The following TRAF3IP1 variants were observed in gnomAD, a reference collection of about 807,000 sequenced individuals.
TRAF3IP1 encodes TRAF3-interacting protein 1.
TRAF3IP1 carries 53 observed loss-of-function variants against 89.9 expected under a neutral mutation model. The observed-to-expected ratio is 0.59, with a 90% CI of 0.47 to 0.74. The LOEUF (loss-of-function observed/expected upper bound fraction) is 0.74. TRAF3IP1 is among the 30% of genes least tolerant of loss of function. The pLI is 0.00. For synonymous variants in TRAF3IP1, 311 were observed against 322.1 expected, an observed-to-expected ratio of 0.97 and a Z score of 0.37; for missense variants, 806 against 866.1, an observed-to-expected ratio of 0.93 and a Z score of 0.87.
intron 15 of TRAF3IP1, among the ~76,000 whole-genome samples, chr2:238,394,477 G>A (rs1259915006): frequency 6.6e-6 from 1 of 151,950 alleles, no homozygotes; most frequent in Non-Finnish European, 1.5e-5. Flanking sequence ...GCATTGTTTC[G>A]TTTTCCATTT....
Position 238,320,731 on chromosome 2 carries a change from C to T in TRAF3IP1, c.69C>T (p.Thr23=). 1 of 1,447,862 alleles carries T rather than the reference C, an allele frequency of 6.9e-7. No homozygotes were observed. The highest frequency in any genetic ancestry group is 9.2e-7 in the Non-Finnish European group (1 of 1,089,146). The allele number at this position is 1,447,862 out of a possible 1,614,324, so 89.7% of individuals were successfully genotyped here. The part of the protein sequence containing the change: ...LGKVIRRPPL[T]EKLLSKPPFR... Reference sequence around the variant, plus strand: ...AAGTGATTCGGAGGCCGCCGCTGACCGAGAAGCTGCTGAGCAAGCCCCCGT... The same window carrying T: ...AAGTGATTCGGAGGCCGCCGCTGACTGAGAAGCTGCTGAGCAAGCCCCCGT... The change falls in exon 1 of 17, where the codon ACC becomes ACT. Residue 23 remains threonine (T), a synonymous_variant. Transcript: ENST00000373327.
At chr2:238,326,473 C>T (rs760605304) in intron 3 of TRAF3IP1, among the ~76,000 whole-genome samples, 2 of 152,144 alleles carry the variant, frequency 1.3e-5, no homozygotes, top group Non-Finnish European at 2.9e-5. Context: ...TTTTCTCTCT[C>T]TCTCGGTTGC....
intron 1 of TRAF3IP1, among the ~76,000 whole-genome samples, chr2:238,322,883 G>A (rs1559351238): frequency 6.6e-6 from 1 of 151,956 alleles, no homozygotes; most frequent in Non-Finnish European, 1.5e-5. Flanking sequence ...AAAGTTGTTA[G>A]AATGACTGAC....
intron 6 of TRAF3IP1, 70 bp downstream of exon 6, chr2:238,332,965 C>A: frequency 8.5e-7 from 1 of 1,174,076 alleles, no homozygotes; most frequent in Admixed American, 1.8e-5. Flanking sequence ...ATGCTGTGCG[C>A]TCCCCGGGTC....
chr2:238,321,211 C>T (rs1697523796), intron 1 of TRAF3IP1, among the ~76,000 whole-genome samples: 1 of 152,210 alleles, frequency 6.6e-6, no homozygotes, highest in South Asian at 2.1e-4. Flanking sequence ...CCCTGCCTGC[C>T]CTTGTATTTC....
chr2:238,337,082 G>T (rs1698421495), intron 7 of TRAF3IP1, among the ~76,000 whole-genome samples: 1 of 152,134 alleles, frequency 6.6e-6, no homozygotes, highest in Non-Finnish European at 1.5e-5. Context: ...GCTGCCCCTG[G>T]CCAGGTGAGG....
intron 14 of TRAF3IP1, among the ~76,000 whole-genome samples, chr2:238,353,728 G>A (rs949910222): frequency 3.3e-5 from 5 of 152,046 alleles, no homozygotes; most frequent in Non-Finnish European, 7.4e-5. Context: ...AGTAACGAGG[G>A]CTTGTTGGTT....
chr2:238,399,895 G>A lies in TRAF3IP1; in HGVS notation c.*976G>A, dbSNP rs1701394913. 6.6e-6 allele frequency: 1 copy of A among 152,102 alleles called. No individual in the cohort carries two copies. The highest frequency in any genetic ancestry group is 6.6e-5 in the Admixed American group (1 of 15,250). 9.4% of individuals were successfully genotyped at this position (152,102 alleles called of 1,614,324 possible). Reference sequence around the variant, plus strand: ...AAAGCAAAAGTTTTTTAAAAACATGGTTTATAGTTTTTCACTTACATATAC... The same window carrying A: ...AAAGCAAAAGTTTTTTAAAAACATGATTTATAGTTTTTCACTTACATATAC... On this transcript the variant is annotated 3_prime_UTR_variant, in exon 17 of 17. Coordinates refer to ENST00000373327, the MANE Select transcript of TRAF3IP1 (RefSeq NM_015650.4).
chr2:238,380,905 G>A (rs561550376), intron 15 of TRAF3IP1, among the ~76,000 whole-genome samples: 5 of 152,216 alleles, frequency 3.3e-5, no homozygotes, highest in Admixed American at 2.6e-4. Context: ...AAACAAAGAT[G>A]GAGAGCAAGG....
At chr2:238,356,266 G>A (rs1416732468) in intron 15 of TRAF3IP1, among the ~76,000 whole-genome samples, 186 bp downstream of exon 15, 5 of 152,204 alleles carry the variant, frequency 3.3e-5, no homozygotes, top group South Asian at 2.1e-4. Context: ...GGAGGCCAGC[G>A]CAGACAGCTT....
At chr2:238,395,049 G>A (rs1559399243) in intron 15 of TRAF3IP1, among the ~76,000 whole-genome samples, 1 of 152,160 alleles carries the variant, frequency 6.6e-6, no homozygotes, top group Non-Finnish European at 1.5e-5. Flanking sequence ...GTGGGTGGGG[G>A]GGTGTCCAGG....
Position 238,356,052 on chromosome 2 carries a change from T to C in TRAF3IP1, c.1661T>C (p.Leu554Ser), listed in dbSNP as rs764473546. 8 of 1,613,764 alleles carry C rather than the reference T, an allele frequency of 5.0e-6. No individual in the cohort carries two copies. Among genetic ancestry groups the C allele is most frequent in the Non-Finnish European group, 6.8e-6 (8 of 1,179,778 alleles). ...GAGACGAAGAAAGATTATGAGAAAT[T>C]GCAGCAGTCACCCAAACCTGGGGAG... ...ILETKKDYEKLQQSPKPGEKE... is the reference protein window; with the variant it reads ...ILETKKDYEKSQQSPKPGEKE... The change falls in exon 15 of 17, where the codon TTG becomes TCG. Residue 554 changes from leucine (L) to serine (S), a missense_variant. Coordinates refer to ENST00000373327, the MANE Select transcript of TRAF3IP1 (RefSeq NM_015650.4).
intron 7 of TRAF3IP1, among the ~76,000 whole-genome samples, chr2:238,337,933 A>C (rs910483308): frequency 3.3e-5 from 5 of 152,180 alleles, no homozygotes; most frequent in African/African-American, 9.7e-5. Flanking sequence ...AAAGGGAAAA[A>C]CAAAAAATGG....
intron 15 of TRAF3IP1, among the ~76,000 whole-genome samples, chr2:238,380,725 A>G (rs1559389610): frequency 6.6e-6 from 1 of 152,194 alleles, no homozygotes; most frequent in Non-Finnish European, 1.5e-5. Context: ...TTTAAAGGAA[A>G]TGCCTGCATC....
At chr2:238,366,634 C>G (rs1432674476) in intron 15 of TRAF3IP1, among the ~76,000 whole-genome samples, 1 of 151,740 alleles carries the variant, frequency 6.6e-6, no homozygotes, top group Non-Finnish European at 1.5e-5. Flanking sequence ...ATATTATGTC[C>G]TCGGTTTTTT....
chr2:238,348,644 T>A, intron 10 of TRAF3IP1, 120 bp from the exon 11 acceptor site: 1 of 814,366 alleles, frequency 1.2e-6, no homozygotes, highest in East Asian at 2.6e-5. Context: ...TCATTTGTAT[T>A]TGCAATTACA....
chr2:238,339,516 G>A (rs1309808129), intron 8 of TRAF3IP1, among the ~76,000 whole-genome samples: 4 of 152,238 alleles, frequency 2.6e-5, no homozygotes, highest in Non-Finnish European at 4.4e-5. Context: ...AGGCAGTGGC[G>A]AAAGCCTGAG....
intron 14 of TRAF3IP1, among the ~76,000 whole-genome samples, chr2:238,355,709 C>G (rs1699376059): frequency 6.9e-6 from 1 of 144,356 alleles, no homozygotes; most frequent in Non-Finnish European, 1.5e-5. Flanking sequence ...TTTTGGATGT[C>G]AATCTACACT....
intron 1 of TRAF3IP1, among the ~76,000 whole-genome samples, chr2:238,321,237 C>T (rs1196035473): frequency 6.6e-6 from 1 of 152,212 alleles, no homozygotes; most frequent in South Asian, 2.1e-4. Context: ...AGTGCATCTT[C>T]CATTATTGCT....
Sources: allele counts gnomAD v4.1 joint callset (sites outside exome capture counted in the v4.1 genomes callset), GRCh38; gene constraint gnomAD v4.1.1; transcripts MANE v1.5; gene names NCBI Gene and HGNC (gene_info 2026-07-23, HGNC 2026-07-21).